Variants in KLHL29 observed in about 807,000 individuals in gnomAD.
The protein encoded by KLHL29 is kelch like family member 29, also known as kelch-like protein 29.
KLHL29 carries 21 observed loss-of-function variants against 80.4 expected under a neutral mutation model. The ratio of observed to expected loss-of-function variants is 0.26; its 90% confidence interval spans 0.19 to 0.38. The LOEUF (loss-of-function observed/expected upper bound fraction) is 0.38. Ranked by LOEUF, KLHL29 falls within the 10% of genes least tolerant of loss-of-function variation. The pLI is 1.00. For synonymous variants in KLHL29, 511 were observed against 526.8 expected (o/e 0.97, Z 0.41); for missense variants, 867 against 1,223.9 (o/e 0.71, Z 4.35).
In KLHL29 at chr2:23,706,731, T is replaced by A; in HGVS notation, c.*67T>A. On this transcript the variant is annotated 3_prime_UTR_variant, in exon 14 of 14. Transcript: ENST00000486442. ...TGAGGCAAGTGCCACGCAATGATAA[T>A]TTTCCAGCGACACCAACAAGAGGCC... 1 of 1,216,008 alleles carries A rather than the reference T, an allele frequency of 8.2e-7. No individual in the cohort carries two copies. The highest frequency in any genetic ancestry group is 1.1e-6 in the Non-Finnish European group (1 of 912,950). The allele number at this position is 1,216,008 out of a possible 1,614,324, so 75.3% of individuals were successfully genotyped here.
At chr2:23,450,955 A>G (rs1373539215) in intron 1 of KLHL29, among the ~76,000 whole-genome samples, 1 of 152,018 alleles carries the variant, frequency 6.6e-6, no homozygotes, top group East Asian at 1.9e-4. Flanking sequence ...TTTCTTTTTC[A>G]CTCAAACAGA....
intron 1 of KLHL29, among the ~76,000 whole-genome samples, chr2:23,445,193 A>G (rs985785146): frequency 1.1e-4 from 17 of 152,256 alleles, no homozygotes; most frequent in African/African-American, 4.1e-4. Context: ...TCAAAACCAT[A>G]TAATACAGTA....
intron 2 of KLHL29, among the ~76,000 whole-genome samples, chr2:23,486,589 C>A (rs1664938415): frequency 6.6e-6 from 1 of 152,170 alleles, no homozygotes; most frequent in Admixed American, 6.5e-5. Flanking sequence ...TCAGCATGTC[C>A]TTGGGGCATC....
chr2:23,521,393 A>G (rs532409519), intron 2 of KLHL29, among the ~76,000 whole-genome samples: 1 of 152,270 alleles, frequency 6.6e-6, no homozygotes, highest in East Asian at 1.9e-4. Context: ...CATGTCAGAA[A>G]CCTCTAGCAG....
chr2:23,433,632 C>T lies in KLHL29; in HGVS notation c.-153-41928C>T, dbSNP rs74946544. 5.0e-3 allele frequency among the ~76,000 whole-genome samples: 765 copies of T among 152,228 alleles called. 6 individuals are homozygous for T. The highest frequency in any genetic ancestry group is 9.1e-3 in the Non-Finnish European group (618 of 68,012). On this transcript the variant is annotated intron_variant, in intron 1 of 13. Transcript: ENST00000486442. ...TGATGGTGTCTTGACAAAAAATGAGCGCTGGGCAGGGTGGCTTACACTTGT... is the reference window on the plus strand; with the variant it reads ...TGATGGTGTCTTGACAAAAAATGAGTGCTGGGCAGGGTGGCTTACACTTGT...
chr2:23,403,516 T>C (rs986759220), intron 1 of KLHL29, among the ~76,000 whole-genome samples: 3 of 152,196 alleles, frequency 2.0e-5, no homozygotes, highest in African/African-American at 7.2e-5. Context: ...CTTAAAAGCA[T>C]ACCTTATTGA....
At chr2:23,464,218 T>C (rs188718134) in intron 1 of KLHL29, among the ~76,000 whole-genome samples, 11 of 152,352 alleles carry the variant, frequency 7.2e-5, no homozygotes, top group Non-Finnish European at 1.3e-4. Flanking sequence ...TCAGAGGTTA[T>C]GAGTTTCCAG....
intron 5 of KLHL29, among the ~76,000 whole-genome samples, chr2:23,665,412 C>G (rs866637351): frequency 7.2e-5 from 11 of 152,216 alleles, no homozygotes; most frequent in South Asian, 6.2e-4. Flanking sequence ...CATTCAAATT[C>G]CATCATGGCC....
At chr2:23,575,467 A>G (rs573368513) in intron 3 of KLHL29, among the ~76,000 whole-genome samples, 87 of 152,246 alleles carry the variant, frequency 5.7e-4, no homozygotes, top group Admixed American at 3.4e-3. Flanking sequence ...CAGCATCATC[A>G]TTGTCATTGT....
Position 23,494,697 on chromosome 2 carries a change from A to G in KLHL29, c.-46+19030A>G, listed in dbSNP as rs185903360. On this transcript the variant is annotated intron_variant, in intron 2 of 13. Transcript: ENST00000486442. ...CATGAGTGACCCCAAACCCCCAATCATGATTCTGGGGCTGAGGATCATGAA... is the reference window on the plus strand; with the variant it reads ...CATGAGTGACCCCAAACCCCCAATCGTGATTCTGGGGCTGAGGATCATGAA... Among the ~76,000 whole-genome samples the G allele has an allele frequency of 8.2e-4, 125 of 152,244 alleles. 2 individuals carry two copies. In the East Asian group the frequency reaches 0.019, roughly 23 times the overall value.
chr2:23,643,144 G>A (rs1214827168), intron 5 of KLHL29: 1 of 558,600 alleles, frequency 1.8e-6, no homozygotes, highest in Non-Finnish European at 3.3e-6. Context: ...CCCAAGCCCT[G>A]GCCATTCTCA....
intron 3 of KLHL29, among the ~76,000 whole-genome samples, chr2:23,582,559 A>C (rs1298119930): frequency 6.6e-6 from 1 of 152,130 alleles, no homozygotes; most frequent in Non-Finnish European, 1.5e-5. Flanking sequence ...GGAACTTCAC[A>C]AGATGCCAGT....
chr2:23,611,437 G>A (rs1012155926), intron 3 of KLHL29, among the ~76,000 whole-genome samples: 1 of 152,168 alleles, frequency 6.6e-6, no homozygotes, highest in African/African-American at 2.4e-5. Context: ...GGCCCTCTGA[G>A]GAGCTGCCTC....
At chr2:23,535,371 C>A (rs1353589161) in intron 2 of KLHL29, among the ~76,000 whole-genome samples, 1 of 152,232 alleles carries the variant, frequency 6.6e-6, no homozygotes, top group African/African-American at 2.4e-5. Context: ...CTCACACGGC[C>A]ACAGGCTGAG....
chr2:23,448,478 A>G (rs56190828), intron 1 of KLHL29, among the ~76,000 whole-genome samples: 22,176 of 152,122 alleles, frequency 0.15, 2,759 homozygotes, highest in African/African-American at 0.32. Flanking sequence ...TATTTAAGAA[A>G]AGATTAATAG....
intron 1 of KLHL29, among the ~76,000 whole-genome samples, chr2:23,438,907 G>C (rs539041300): frequency 2.4e-4 from 36 of 149,308 alleles, no homozygotes; most frequent in Non-Finnish European, 3.6e-4. Flanking sequence ...CCTTGTACCT[G>C]TGGTAGAATT....
At chr2:23,606,246 G>T (rs1445014345) in intron 3 of KLHL29, among the ~76,000 whole-genome samples, 2 of 151,592 alleles carry the variant, frequency 1.3e-5, no homozygotes, top group Non-Finnish European at 2.9e-5. Context: ...AGAGAGGGAG[G>T]AATGAAAAGA....
At chr2:23,692,215 C>T (rs755141540) in intron 7 of KLHL29, among the ~76,000 whole-genome samples, 7 of 152,242 alleles carry the variant, frequency 4.6e-5, no homozygotes, top group Non-Finnish European at 1.0e-4. Flanking sequence ...CCTCACAGTC[C>T]TGTTCTCTAG....
At chr2:23,643,020 G>C (rs1048715187) in intron 5 of KLHL29, 170 bp downstream of exon 5, 4 of 798,646 alleles carry the variant, frequency 5.0e-6, no homozygotes, top group South Asian at 1.5e-5. Flanking sequence ...GGCCTGAGAT[G>C]GGGGAGGGAG....
Sources: gnomAD v4.1 joint callset for allele counts (sites outside exome capture counted in the v4.1 genomes callset) on GRCh38, gnomAD v4.1.1 for gene constraint, MANE v1.5 for transcripts, NCBI Gene and HGNC (gene_info 2026-07-23, HGNC 2026-07-21) for gene names.